The following B3GALT1 variants were observed in gnomAD, a reference collection of about 807,000 sequenced individuals.
B3GALT1 encodes UDP-Gal:betaGlcNAc beta 1,3-galactosyltransferase, polypeptide 1.
Under a neutral mutation model 23.2 loss-of-function variants are expected in B3GALT1, and 10 were observed. The ratio of observed to expected loss-of-function variants is 0.43; its 90% CI spans 0.27 to 0.73. The LOEUF (loss-of-function observed/expected upper bound fraction) is 0.73, where lower values mean the gene tolerates loss of function less well. Ranked by LOEUF, B3GALT1 falls within the 30% of genes least tolerant of loss-of-function variation. B3GALT1 has a pLI of 0.21. For synonymous variants in B3GALT1, 156 were observed against 141.5 expected (o/e 1.10, Z -0.73); for missense variants, 299 against 405.4 (o/e 0.74, Z 2.25).
chr2:167,364,141 G>A (rs1404898633), intron 1 of B3GALT1, among the ~76,000 whole-genome samples: 1 of 142,948 alleles, frequency 7.0e-6, no homozygotes, highest in East Asian at 2.0e-4. Context: ...TCCAGCCTGG[G>A]CAACAGAGTG....
At chr2:167,571,259 T>C (rs1684288178) in intron 2 of B3GALT1, among the ~76,000 whole-genome samples, 1 of 151,940 alleles carries the variant, frequency 6.6e-6, no homozygotes, top group Non-Finnish European at 1.5e-5. Flanking sequence ...AGCATAATTC[T>C]GTATAGGTGA....
intron 1 of B3GALT1, among the ~76,000 whole-genome samples, chr2:167,460,322 C>G (rs1190550858): frequency 2.6e-5 from 4 of 152,092 alleles, no homozygotes; most frequent in Non-Finnish European, 5.9e-5. Flanking sequence ...GTTTTTCAGG[C>G]TTGATAATTT....
chr2:167,559,273 C>CA (rs1683919905), intron 2 of B3GALT1, among the ~76,000 whole-genome samples: 1 of 152,174 alleles, frequency 6.6e-6, no homozygotes, highest in Admixed American at 6.5e-5. Flanking sequence ...GGAAAACTAA[C>CA]AAACAGGACA....
intron 1 of B3GALT1, among the ~76,000 whole-genome samples, chr2:167,427,410 G>C (rs534650724): frequency 6.6e-6 from 1 of 152,204 alleles, no homozygotes; most frequent in Admixed American, 6.5e-5. Flanking sequence ...TTTATAAAAG[G>C]TTCATACCAT....
rs531369383 is a variant in B3GALT1 at position 167,293,002 on chromosome 2, G to A, written c.-843G>A. On this transcript the variant is annotated 5_prime_UTR_variant, in exon 1 of 5. Transcript: ENST00000392690. Reference sequence around the variant, plus strand: ...CGGGCGTTGTCAGTCGCCGAGGCCAGAGCCATCGCCGGGGAAGCGCAGCCG... The same window carrying A: ...CGGGCGTTGTCAGTCGCCGAGGCCAAAGCCATCGCCGGGGAAGCGCAGCCG... Among the ~76,000 whole-genome samples the A allele has an allele frequency of 1.3e-5, 2 of 152,168 alleles. No homozygotes were observed. Among genetic ancestry groups the A allele is most frequent in the African/African-American group, 4.8e-5 (2 of 41,566 alleles).
chr2:167,566,356 T>TG (rs1684166717), intron 2 of B3GALT1, among the ~76,000 whole-genome samples: 1 of 134,984 alleles, frequency 7.4e-6, no homozygotes, highest in African/African-American at 2.9e-5. Context: ...TGTTTTGGGG[T>TG]GGGGGGAGAG....
chr2:167,557,808 G>C (rs1683880507), intron 2 of B3GALT1, among the ~76,000 whole-genome samples: 1 of 152,180 alleles, frequency 6.6e-6, no homozygotes, highest in Non-Finnish European at 1.5e-5. Context: ...AGACCAAGAA[G>C]GGTACTTAGC....
intron 2 of B3GALT1, among the ~76,000 whole-genome samples, chr2:167,611,708 G>A (rs746031105): frequency 4.0e-5 from 6 of 151,892 alleles, no homozygotes; most frequent in Middle Eastern, 6.8e-3. Context: ...AGCGCCTTGG[G>A]GTCACATAGT....
At chr2:167,321,185 T>G (rs576724841) in intron 1 of B3GALT1, among the ~76,000 whole-genome samples, 1 of 152,100 alleles carries the variant, frequency 6.6e-6, no homozygotes, top group African/African-American at 2.4e-5. Context: ...TTTATTATAC[T>G]CATAAAATTA....
At chr2:167,461,263 T>C (rs966249305) in intron 1 of B3GALT1, among the ~76,000 whole-genome samples, 1 of 152,234 alleles carries the variant, frequency 6.6e-6, no homozygotes, top group Non-Finnish European at 1.5e-5. Flanking sequence ...GTCTAGGGGT[T>C]GGGTAGCCAG....
chr2:167,693,261 G>A (rs2105503163), intron 3 of B3GALT1, among the ~76,000 whole-genome samples: 1 of 152,020 alleles, frequency 6.6e-6, no homozygotes, highest in East Asian at 1.9e-4. Flanking sequence ...GAAAAACAGT[G>A]GGAGATAGAA....
chr2:167,395,188 G>A (rs1373705588), intron 1 of B3GALT1, among the ~76,000 whole-genome samples: 1 of 152,086 alleles, frequency 6.6e-6, no homozygotes, highest in Non-Finnish European at 1.5e-5. Context: ...GGGCCAGCAG[G>A]TGGTTGAATA....
chr2:167,589,619 A>T (rs1684640776), intron 2 of B3GALT1, among the ~76,000 whole-genome samples: 1 of 152,138 alleles, frequency 6.6e-6, no homozygotes, highest in Non-Finnish European at 1.5e-5. Context: ...GATATAATTG[A>T]TTCTCTTTCT....
intron 1 of B3GALT1, among the ~76,000 whole-genome samples, chr2:167,386,382 T>C (rs1192468426): frequency 3.3e-5 from 5 of 152,084 alleles, no homozygotes; most frequent in Non-Finnish European, 7.3e-5. Flanking sequence ...GGAAATCCAA[T>C]AGAAAATGAG....
chr2:167,750,759 GC>G (rs1385816468), intron 3 of B3GALT1, among the ~76,000 whole-genome samples: 1 of 137,792 alleles, frequency 7.3e-6, no homozygotes, highest in Non-Finnish European at 1.6e-5. Context: ...AAAAAACTAA[GC>G]CCCTCGCAGG....
intron 1 of B3GALT1, among the ~76,000 whole-genome samples, chr2:167,362,981 A>G (rs907543204): frequency 6.6e-6 from 1 of 151,870 alleles, no homozygotes; most frequent in African/African-American, 2.4e-5. Context: ...TCAGCCTCTG[A>G]AGTAGCTGGG....
At chr2:167,449,445 G>T (rs1196283681) in intron 1 of B3GALT1, among the ~76,000 whole-genome samples, 1 of 152,090 alleles carries the variant, frequency 6.6e-6, no homozygotes, top group Non-Finnish European at 1.5e-5. Context: ...CATTAATTTT[G>T]TGTCCTGAAA....
intron 1 of B3GALT1, among the ~76,000 whole-genome samples, chr2:167,419,032 A>AT (rs1356275624): frequency 2.0e-5 from 3 of 152,162 alleles, no homozygotes; most frequent in African/African-American, 2.4e-5. Flanking sequence ...GTGTAAAATG[A>AT]TTTTTTTACT....
At chr2:167,649,513 A>G (rs1685822409) in intron 3 of B3GALT1, among the ~76,000 whole-genome samples, 1 of 152,098 alleles carries the variant, frequency 6.6e-6, no homozygotes, top group Non-Finnish European at 1.5e-5. Context: ...CTAAGAATTT[A>G]CAAATTCTAG....
Sources: allele counts gnomAD v4.1 joint callset (sites outside exome capture counted in the v4.1 genomes callset), GRCh38; gene constraint gnomAD v4.1.1; transcripts MANE v1.5; gene names NCBI Gene and HGNC (gene_info 2026-07-23, HGNC 2026-07-21).